The following PPTC7 variants were observed in gnomAD, a reference collection of about 807,000 sequenced individuals.
The protein encoded by PPTC7 is protein phosphatase targeting COQ7.
PPTC7 carries 6 observed loss-of-function variants against 30.8 expected under a neutral mutation model. The observed-to-expected ratio is 0.19, with a 90% CI of 0.11 to 0.38. PPTC7 has a LOEUF of 0.38. Ranked by LOEUF, PPTC7 falls within the 10% of genes least tolerant of loss-of-function variation. PPTC7 has a pLI of 1.00. For missense variants in PPTC7, 218 were observed against 404.8 expected, an observed-to-expected ratio of 0.54 and a Z score of 3.96; for synonymous variants, 163 against 168.1, an observed-to-expected ratio of 0.97 and a Z score of 0.23.
intron 5 of PPTC7, among the ~76,000 whole-genome samples, chr12:110,537,813 A>G (rs2064230401): frequency 6.6e-6 from 1 of 152,266 alleles, no homozygotes. Context: ...GAAAGGCTGA[A>G]TGTTAAACTG....
chr12:110,562,093 G>A (rs1380421729), intron 1 of PPTC7, among the ~76,000 whole-genome samples: 1 of 151,922 alleles, frequency 6.6e-6, no homozygotes, highest in African/African-American at 2.4e-5. Context: ...TCCAGTCTGG[G>A]TGAAAGAGCA....
intron 2 of PPTC7, among the ~76,000 whole-genome samples, chr12:110,547,573 C>CA (rs1413333011): frequency 6.6e-6 from 1 of 151,676 alleles, no homozygotes; most frequent in African/African-American, 2.4e-5. Flanking sequence ...TTAACAACAA[C>CA]AAAAAAAGAT....
intron 1 of PPTC7, among the ~76,000 whole-genome samples, chr12:110,558,883 G>C (rs1318805129): frequency 6.6e-6 from 1 of 151,934 alleles, no homozygotes; most frequent in Non-Finnish European, 1.5e-5. Context: ...TGGGATTACA[G>C]GTGTGAACCA....
chr12:110,563,054 G>C (rs1005976013), intron 1 of PPTC7, among the ~76,000 whole-genome samples: 6 of 131,432 alleles, frequency 4.6e-5, no homozygotes, highest in African/African-American at 1.7e-4. Flanking sequence ...GGGAGGCAGA[G>C]ATTGCAGTAA....
At chr12:110,550,660 C>G (rs754394467) in intron 2 of PPTC7, among the ~76,000 whole-genome samples, 26 of 152,106 alleles carry the variant, frequency 1.7e-4, no homozygotes, top group Non-Finnish European at 3.4e-4. Flanking sequence ...TGGGTAAGTT[C>G]CCAGGAAATC....
At chr12:110,556,235 A>T (rs1259761782) in intron 1 of PPTC7, among the ~76,000 whole-genome samples, 1 of 152,230 alleles carries the variant, frequency 6.6e-6, no homozygotes, top group Non-Finnish European at 1.5e-5. Context: ...AAAGGATGCC[A>T]AGCAAAACAC....
In PPTC7 at chr12:110,536,254, G is replaced by C. The variant is rs1025702756; in HGVS notation, c.*783C>G. 3 of 152,182 alleles carry C rather than the reference G, an allele frequency of 2.0e-5. No individual in the cohort carries two copies. Among genetic ancestry groups the C allele is most frequent in the South Asian group, 4.1e-4 (2 of 4,832 alleles). 9.4% of individuals were successfully genotyped at this position (152,182 alleles called of 1,614,324 possible). ...AGGCTTTGAGGGGTTTTACAACCTT[G>C]AGTATTATTTCCATAAAAAAATACT... On this transcript the variant is annotated 3_prime_UTR_variant, in exon 6 of 6. Transcript: ENST00000354300.
chr12:110,581,659 C>T (rs1316016291), intron 1 of PPTC7, among the ~76,000 whole-genome samples: 2 of 152,220 alleles, frequency 1.3e-5, no homozygotes, highest in Non-Finnish European at 2.9e-5. Flanking sequence ...CCTTTCCAGT[C>T]CCATGTTCAC....
intron 1 of PPTC7, among the ~76,000 whole-genome samples, chr12:110,573,504 G>A (rs1402512499): frequency 6.6e-6 from 1 of 152,110 alleles, no homozygotes; most frequent in Non-Finnish European, 1.5e-5. Context: ...TACAGAGTAG[G>A]ATGCATATTA....
At chr12:110,540,509 G>A (rs1478491314) in intron 3 of PPTC7, among the ~76,000 whole-genome samples, 2 of 151,768 alleles carry the variant, frequency 1.3e-5, no homozygotes, top group Non-Finnish European at 2.9e-5. Flanking sequence ...GCACCACCAC[G>A]CCTAATTTGT....
At chr12:110,572,384 T>C (rs1465461373) in intron 1 of PPTC7, among the ~76,000 whole-genome samples, 1 of 152,114 alleles carries the variant, frequency 6.6e-6, no homozygotes, top group African/African-American at 2.4e-5. Context: ...GAGGCTGCAG[T>C]GAGCCAAGAC....
chr12:110,542,364 G>A (rs77139779), intron 3 of PPTC7, among the ~76,000 whole-genome samples: 1,550 of 151,834 alleles, frequency 0.01, 33 homozygotes, highest in African/African-American at 0.034. Context: ...TAGATCTGGA[G>A]AGAATCAAAG....
intron 1 of PPTC7, among the ~76,000 whole-genome samples, chr12:110,562,835 T>C (rs2064449685): frequency 6.7e-6 from 1 of 148,158 alleles, no homozygotes; most frequent in Non-Finnish European, 1.5e-5. Flanking sequence ...AAGAAAGATG[T>C]TTCTGGCCAG....
intron 1 of PPTC7, among the ~76,000 whole-genome samples, chr12:110,578,672 T>C (rs1285721347): frequency 6.6e-6 from 1 of 152,240 alleles, no homozygotes; most frequent in Non-Finnish European, 1.5e-5. Flanking sequence ...AATAATCTGT[T>C]ACACGGATAC....
intron 3 of PPTC7, among the ~76,000 whole-genome samples, chr12:110,543,567 T>C (rs1480960647): frequency 2.0e-5 from 3 of 152,260 alleles, no homozygotes; most frequent in Admixed American, 6.5e-5. Context: ...TCTAGAAGTG[T>C]AGATTAATGA....
At chr12:110,582,207 A>G (rs1165613024) in intron 1 of PPTC7, among the ~76,000 whole-genome samples, 1 of 152,240 alleles carries the variant, frequency 6.6e-6, no homozygotes, top group African/African-American at 2.4e-5. Flanking sequence ...GCAAGTGGAC[A>G]AGATCAATTT....
intron 1 of PPTC7, among the ~76,000 whole-genome samples, chr12:110,571,528 G>A (rs2064537112): frequency 6.6e-6 from 1 of 152,168 alleles, no homozygotes; most frequent in Non-Finnish European, 1.5e-5. Flanking sequence ...AGATGTAGGG[G>A]TGGGTTGCCC....
intron 5 of PPTC7, 116 bp downstream of exon 5, chr12:110,538,026 GCA>G: frequency 9.4e-7 from 1 of 1,065,186 alleles, no homozygotes; most frequent in Non-Finnish European, 1.4e-6. Flanking sequence ...AGCCACAAGT[GCA>G]CAGTTTGGGG....
chr12:110,552,491 A>G (rs79733881), intron 1 of PPTC7, among the ~76,000 whole-genome samples: 3 of 152,326 alleles, frequency 2.0e-5, no homozygotes, highest in East Asian at 3.9e-4. Context: ...GCGGTACTGT[A>G]CAATACAACA....
Sources: gnomAD v4.1 joint callset for allele counts (sites outside exome capture counted in the v4.1 genomes callset) on GRCh38, gnomAD v4.1.1 for gene constraint, MANE v1.5 for transcripts, NCBI Gene and HGNC (gene_info 2026-07-23, HGNC 2026-07-21) for gene names.